The following PANX3 variants were observed in gnomAD, a reference collection of about 807,000 sequenced individuals.
PANX3 encodes pannexin-3.
In PANX3, 18 loss-of-function variants were observed where a neutral mutation model predicts 31.5. The observed-to-expected ratio is 0.57, with a 90% CI of 0.39 to 0.85. The LOEUF (loss-of-function observed/expected upper bound fraction) is 0.85. Among genes scored for constraint, PANX3 ranks in the 40% least tolerant of loss-of-function variants. PANX3 has a pLI of 0.00. For synonymous variants in PANX3, 194 were observed against 201.6 expected, an observed-to-expected ratio of 0.96 and a Z score of 0.32; for missense variants, 426 against 485.4, an observed-to-expected ratio of 0.88 and a Z score of 1.15.
intron 1 of PANX3, among the ~76,000 whole-genome samples, chr11:124,612,108 G>A (rs1863101648): frequency 6.6e-6 from 1 of 152,066 alleles, no homozygotes; most frequent in African/African-American, 2.4e-5. Flanking sequence ...ATCTTAGCTG[G>A]GCTGTCGCCA....
At chr11:124,617,956 C>T (rs757175419) in intron 3 of PANX3, among the ~76,000 whole-genome samples, 4 of 152,218 alleles carry the variant, frequency 2.6e-5, no homozygotes, top group Non-Finnish European at 4.4e-5. Flanking sequence ...TGCATACAGG[C>T]ATTGTCCTGG....
intron 2 of PANX3, among the ~76,000 whole-genome samples, chr11:124,615,549 G>T (rs1466322365): frequency 6.6e-6 from 1 of 152,116 alleles, no homozygotes; most frequent in Non-Finnish European, 1.5e-5. Flanking sequence ...CTAAATCCTG[G>T]CTCTCCCACC....
At position 124,619,822 on chromosome 11, in the gene PANX3, A is replaced by C. The variant is rs747875930; in HGVS notation, c.1066A>C (p.Thr356Pro). ...LSVLCVLKDTTTQKHNIDTVV... is the reference protein window; with the variant it reads ...LSVLCVLKDTPTQKHNIDTVV... ...TGTCTTATGTGTGTTGAAGGATACA[A>C]CCACCCAGAAGCACAATATTGACAC... The change falls in exon 4 of 4, where the codon ACC becomes CCC. Residue 356 changes from threonine (T) to proline (P), a missense_variant. Coordinates refer to ENST00000284288, the MANE Select transcript of PANX3 (RefSeq NM_052959.3). 6.8e-6 allele frequency: 11 copies of C among 1,614,122 alleles called. No homozygotes were observed. In the South Asian group the frequency reaches 1.2e-4, roughly 18 times the overall value.
At chr11:124,615,800 T>G (rs1863146530) in intron 2 of PANX3, among the ~76,000 whole-genome samples, 1 of 152,060 alleles carries the variant, frequency 6.6e-6, no homozygotes, top group South Asian at 2.1e-4. Context: ...TCACTTGAGG[T>G]CAGGAATTCA....
intron 2 of PANX3, among the ~76,000 whole-genome samples, chr11:124,614,436 T>G (rs1330579877): frequency 2.0e-5 from 3 of 151,476 alleles, no homozygotes; most frequent in African/African-American, 7.3e-5. Flanking sequence ...CCTAGCTAAT[T>G]TTTGTATTTT....
In PANX3 at chr11:124,617,434, T is replaced by C; in HGVS notation, c.485T>C (p.Leu162Pro). The C allele has an allele frequency of 6.2e-7, 1 of 1,614,246 alleles. No homozygotes were observed. The highest frequency in any genetic ancestry group is 8.5e-7 in the Non-Finnish European group (1 of 1,180,050). ...TCCATCCGCCTCGTGCAGCACATGC[T>C]GAAGATCCGGCAGAAGAGTTCCGAC... ...NRSIRLVQHM[L>P]KIRQKSSDPY... The change falls in exon 3 of 4, where the codon CTG (leucine) becomes CCG (proline). Residue 162 changes from leucine to proline, a missense_variant. Transcript: ENST00000284288.
At chr11:124,614,174 A>G (rs1442957536) in intron 2 of PANX3, among the ~76,000 whole-genome samples, 3 of 144,622 alleles carry the variant, frequency 2.1e-5, no homozygotes, top group Non-Finnish European at 4.4e-5. Flanking sequence ...TGGTAAAAAA[A>G]AAAAAAAAAA....
At chr11:124,612,866 G>C in intron 1 of PANX3, 114 bp from the exon 2 acceptor site, 1 of 1,326,400 alleles carries the variant, frequency 7.5e-7, no homozygotes, top group Non-Finnish European at 1.0e-6. Context: ...TAAGGTGTGG[G>C]AAGAAGACAG....
chr11:124,614,274 A>G (rs1863128103), intron 2 of PANX3, among the ~76,000 whole-genome samples: 1 of 150,968 alleles, frequency 6.6e-6, no homozygotes, highest in African/African-American at 2.4e-5. Context: ...AGAAAACTTT[A>G]TTTTTTTGAG....
intron 1 of PANX3, among the ~76,000 whole-genome samples, chr11:124,611,949 TA>T (rs56856352): frequency 0.049 from 4,762 of 97,960 alleles, 157 homozygotes; most frequent in African/African-American, 0.11. Context: ...AATGTTACAG[TA>T]AAAAAAAAAA....
intron 3 of PANX3, among the ~76,000 whole-genome samples, chr11:124,618,183 T>C (rs987827022): frequency 2.6e-5 from 4 of 152,186 alleles, no homozygotes; most frequent in African/African-American, 9.7e-5. Context: ...TGGAGAGTGG[T>C]GTAGCTTCAC....
intron 3 of PANX3, 105 bp from the exon 4 acceptor site, chr11:124,619,191 A>C (rs1202578251): frequency 8.1e-7 from 1 of 1,242,208 alleles, no homozygotes; most frequent in African/African-American, 1.5e-5. Flanking sequence ...ATGGGAACCA[A>C]GAATGCCATG....
chr11:124,615,982 C>T (rs957844564), intron 2 of PANX3, among the ~76,000 whole-genome samples: 2 of 152,084 alleles, frequency 1.3e-5, no homozygotes, highest in Non-Finnish European at 2.9e-5. Flanking sequence ...CCACGGCACT[C>T]CAGCCTGGGC....
intron 2 of PANX3, among the ~76,000 whole-genome samples, chr11:124,614,640 G>T (rs932233541): frequency 1.3e-5 from 2 of 150,710 alleles, no homozygotes; most frequent in Admixed American, 6.6e-5. Flanking sequence ...TAAGTATAAA[G>T]GAAGGGTTTA....
In PANX3 at chr11:124,617,265, G is replaced by A. The variant is rs367626776; in HGVS notation, c.325-9G>A. 1.1e-3 allele frequency: 1,734 copies of A among 1,599,958 alleles called. 2 individuals carry two copies. Among genetic ancestry groups the A allele is most frequent in the Non-Finnish European group, 1.3e-3 (1,585 of 1,178,764 alleles). On this transcript the variant is annotated splice_polypyrimidine_tract_variant and intron_variant, in intron 2 of 3. Coordinates refer to ENST00000284288, the MANE Select transcript of PANX3 (RefSeq NM_052959.3). The stretch of plus-strand genomic sequence containing the variant: ...CCGGCCTCCCTCCTCAGCTGCTCTC[G>A]CCCTGCAGGCCCTCCCCTACTCCCT...
chr11:124,617,299 T>A lies in PANX3; in HGVS notation c.350T>A (p.Leu117Gln). Residue 117 changes from leucine (L) to glutamine (Q), a missense_variant, in exon 3 of 4, where the codon CTG (leucine) becomes CAG (glutamine). Physicochemically the swap from Leu to Gln is moderately radical, Grantham distance 113 (BLOSUM62 -2). Transcript: ENST00000284288. Reference protein sequence around the residue: ...HKALPYSLLALALLMYLPVLL... With the variant: ...HKALPYSLLAQALLMYLPVLL... ...GCCCTCCCCTACTCCCTGCTGGCCC[T>A]GGCCTTGCTCATGTACCTGCCGGTG... 1 of 1,608,206 alleles carries A rather than the reference T, an allele frequency of 6.2e-7. No individual in the cohort carries two copies. Among genetic ancestry groups the A allele is most frequent in the Non-Finnish European group, 8.5e-7 (1 of 1,179,978 alleles).
Position 124,620,009 on chromosome 11 carries a change from A to C in PANX3, c.*74A>C, listed in dbSNP as rs1441669618. On this transcript the variant is annotated 3_prime_UTR_variant, in exon 4 of 4. Transcript: ENST00000284288. ...TCATAAGACATGCACACTAATACACATACACACCAAAAAATTACACATTTT... is the reference window on the plus strand; with the variant it reads ...TCATAAGACATGCACACTAATACACCTACACACCAAAAAATTACACATTTT... 15 of 1,448,496 alleles carry C rather than the reference A, an allele frequency of 1.0e-5. No homozygotes were observed. Among genetic ancestry groups the C allele is most frequent in the Non-Finnish European group, 1.3e-5 (14 of 1,076,834 alleles). The allele number at this position is 1,448,496 out of a possible 1,614,324, so 89.7% of individuals were successfully genotyped here.
In PANX3 at chr11:124,619,703, G is replaced by A; in HGVS notation, c.947G>A (p.Arg316Lys). 1 of 1,614,156 alleles carries A rather than the reference G, an allele frequency of 6.2e-7. No individual in the cohort carries two copies. The highest frequency in any genetic ancestry group is 8.5e-7 in the Non-Finnish European group (1 of 1,180,028). Residue 316 changes from arginine to lysine, a missense_variant, in exon 4 of 4, where the codon AGA (arginine) becomes AAA (lysine). Physicochemically the swap from Arg to Lys is conservative, Grantham distance 26. Coordinates refer to ENST00000284288, the MANE Select transcript of PANX3 (RefSeq NM_052959.3). Reference protein sequence around the residue: ...EMLPAFDLLSRKMLGCPINDL... With the variant: ...EMLPAFDLLSKKMLGCPINDL... ...CTCCCAGCTTTTGATCTCCTCAGCA[G>A]AAAGATGCTAGGATGTCCCATCAAT...
At chr11:124,614,662 C>T (rs1322666247) in intron 2 of PANX3, among the ~76,000 whole-genome samples, 3 of 148,692 alleles carry the variant, frequency 2.0e-5, no homozygotes, top group East Asian at 2.0e-4. Context: ...TTTCAATAAA[C>T]GCCCTTTCTT....
Sources: allele counts gnomAD v4.1 joint callset (sites outside exome capture counted in the v4.1 genomes callset), GRCh38; gene constraint gnomAD v4.1.1; transcripts MANE v1.5; gene names NCBI Gene and HGNC (gene_info 2026-07-23, HGNC 2026-07-21).